The following USP54 variants were observed in gnomAD, a reference collection of about 807,000 sequenced individuals.
USP54 encodes ubiquitin carboxyl-terminal hydrolase 54.
In USP54, 87 loss-of-function variants were observed where a neutral mutation model predicts 170.5. The observed-to-expected ratio is 0.51, with a 90% CI of 0.43 to 0.61. The LOEUF (loss-of-function observed/expected upper bound fraction) is 0.61, where lower values mean the gene tolerates loss of function less well. Ranked by LOEUF, USP54 falls within the 20% of genes least tolerant of loss-of-function variation. The probability of loss-of-function intolerance (pLI) is 0.00; values close to 1 mark genes in which losing one functional copy is unlikely to be tolerated. For missense variants in USP54, 1,786 were observed against 2,047.8 expected (o/e 0.87, Z 2.47); for synonymous variants, 655 against 742.8 (o/e 0.88, Z 1.92).
chr10:73,519,627 C>A (rs2061600062), intron 19 of USP54, 170 bp downstream of exon 19: 1 of 987,972 alleles, frequency 1.0e-6, no homozygotes. Flanking sequence ...AGATAAGGAC[C>A]AGCAGTACAA....
At chr10:73,528,499 A>G (rs1044640583) in intron 15 of USP54, among the ~76,000 whole-genome samples, 1 of 150,278 alleles carries the variant, frequency 6.7e-6, no homozygotes, top group South Asian at 2.1e-4. Context: ...GTCGTGATCC[A>G]CCCGCCTCGG....
In USP54 at chr10:73,624,177, TATATATATATATA is replaced by T. The variant is rs2081305574; in HGVS notation, c.-18+1377_-18+1389del. 1.5e-4 allele frequency among the ~76,000 whole-genome samples: 17 copies of T among 111,116 alleles called. No individual in the cohort carries two copies. In the South Asian group the frequency reaches 5.9e-3, roughly 38 times the overall value. 72.9% of individuals were successfully genotyped at this position (111,116 alleles called of 152,430 possible). ...TAAAAGCCATATATATATATATATA[TATATATATATATA>T]TATATGTATTTTTTTTTTTTTTTTT... On this transcript the variant is annotated intron_variant, in intron 1 of 22. Coordinates refer to the USP54 transcript ENST00000339859.
chr10:73,539,755 TTCA>T (rs2066166759), intron 9 of USP54, among the ~76,000 whole-genome samples, 162 bp from the exon 10 acceptor site: 1 of 152,204 alleles, frequency 6.6e-6, no homozygotes, highest in African/African-American at 2.4e-5. Flanking sequence ...AGAATTTAAC[TTCA>T]GCACTTTGTG....
At chr10:73,522,223 G>A (rs182886170) in intron 17 of USP54, among the ~76,000 whole-genome samples, 1 of 152,280 alleles carries the variant, frequency 6.6e-6, no homozygotes, top group African/African-American at 2.4e-5. Flanking sequence ...CTAGAGGTGT[G>A]GTTTCCCTTA....
intron 4 of USP54, among the ~76,000 whole-genome samples, chr10:73,564,634 G>A (rs142451100): frequency 6.6e-6 from 1 of 152,288 alleles, no homozygotes; most frequent in East Asian, 1.9e-4. Flanking sequence ...TAGGACTACA[G>A]TTCCAGGTTC....
In USP54 at chr10:73,539,519, G is replaced by T; in HGVS notation, c.900C>A (p.Gly300=). Reference sequence around the variant, plus strand: ...GAAAAAAGAATGTAGAATAATGTTTGCCATAGTAACAGATCATTCCAACTA... The same window carrying T: ...GAAAAAAGAATGTAGAATAATGTTTTCCATAGTAACAGATCATTCCAACTA... The part of the protein sequence containing the change: ...LYLVGMICYY[G]KHYSTFFFQT... The change falls in exon 10 of 24, where the codon GGC becomes GGA. Residue 300 remains glycine (G), a synonymous_variant. Transcript: ENST00000687698. The T allele has an allele frequency of 1.2e-6, 2 of 1,612,014 alleles. No individual in the cohort carries two copies. Among genetic ancestry groups the T allele is most frequent in the Non-Finnish European group, 1.7e-6 (2 of 1,178,692 alleles).
intron 1 of USP54, among the ~76,000 whole-genome samples, chr10:73,603,845 CA>C (rs2079400873): frequency 6.6e-6 from 1 of 151,676 alleles, no homozygotes; most frequent in South Asian, 2.1e-4. Flanking sequence ...AAAGAAGATA[CA>C]CCAATGGCCA....
At chr10:73,598,561 A>C (rs1006931824) in intron 1 of USP54, among the ~76,000 whole-genome samples, 3 of 152,038 alleles carry the variant, frequency 2.0e-5, no homozygotes, top group African/African-American at 7.2e-5. Flanking sequence ...CGATCACAAC[A>C]AGGTCAGGAG....
chr10:73,614,561 C>CAAAA (rs60519884), intron 1 of USP54, among the ~76,000 whole-genome samples: 1 of 50,228 alleles, frequency 2.0e-5, no homozygotes, highest in Non-Finnish European at 4.1e-5. Context: ...ACTCCGTCTC[C>CAAAA]AAAAAAAAAA....
chr10:73,586,811 C>T (rs1335281311), intron 1 of USP54, among the ~76,000 whole-genome samples: 2 of 152,192 alleles, frequency 1.3e-5, no homozygotes, highest in African/African-American at 4.8e-5. Context: ...AGCTGGTTAT[C>T]TTAAACTCTC....
intron 4 of USP54, among the ~76,000 whole-genome samples, chr10:73,547,790 C>CT (rs1404679593): frequency 1.6e-4 from 25 of 152,098 alleles, no homozygotes; most frequent in Admixed American, 1.6e-3. Flanking sequence ...AGAAGAAAAC[C>CT]TAGGCAATAC....
rs780836019 is a variant in USP54, at chr10:73,541,651, C to T, written c.660G>A (p.Gly220=). The part of the protein sequence containing the change: ...GELLQNASTM[G]DLRNCPSNCG... ...AACTCACTGGACAGTTCCGCAGATCCCCCATGGTGCTGGCATTCTGCAGCA... is the reference window on the plus strand; with the variant it reads ...AACTCACTGGACAGTTCCGCAGATCTCCCATGGTGCTGGCATTCTGCAGCA... Residue 220 remains glycine, a synonymous_variant, in exon 8 of 24, where the codon GGG becomes GGA. Transcript: ENST00000687698. 6.2e-7 allele frequency: 1 copy of T among 1,614,020 alleles called. No homozygotes were observed. Among genetic ancestry groups the T allele is most frequent in the African/African-American group, 1.3e-5 (1 of 74,912 alleles).
chr10:73,585,015 T>A (rs1564922450), intron 1 of USP54, among the ~76,000 whole-genome samples: 3 of 152,216 alleles, frequency 2.0e-5, no homozygotes, highest in Admixed American at 2.0e-4. Context: ...CCACACCATG[T>A]CACTCCTTTT....
At chr10:73,526,857 T>TA in intron 15 of USP54, 77 bp from the exon 16 acceptor site, 1 of 1,440,546 alleles carries the variant, frequency 6.9e-7, no homozygotes, top group Non-Finnish European at 9.3e-7. Flanking sequence ...AATCTCTCTC[T>TA]CAAAAAAAAA....
chr10:73,566,145 A>G (rs1380125608), intron 4 of USP54, among the ~76,000 whole-genome samples: 1 of 152,098 alleles, frequency 6.6e-6, no homozygotes, highest in Non-Finnish European at 1.5e-5. Context: ...CAGAAGAATC[A>G]CTTGAACCCG....
Position 73,516,747 on chromosome 10 carries a change from A to G in USP54, c.3679T>C (p.Leu1227=). 1 of 1,614,162 alleles carries G rather than the reference A, an allele frequency of 6.2e-7. No individual in the cohort carries two copies. The highest frequency in any genetic ancestry group is 1.3e-5 in the African/African-American group (1 of 75,048). The change falls in exon 20 of 24, where the codon TTG becomes CTG. Residue 1227 remains leucine, a synonymous_variant. Transcript: ENST00000687698. ...GETSSGGQPR[L]AEPDIYQEKL... ...TCTTGGTATATGTCTGGCTCTGCCA[A>G]CCTGGGCTGTCCTCCGCTAGAAGTT...
chr10:73,517,844 C>T, intron 19 of USP54, 97 bp from the exon 20 acceptor site: 1 of 1,405,660 alleles, frequency 7.1e-7, no homozygotes, highest in Non-Finnish European at 9.7e-7. Context: ...TAGCTATTCA[C>T]ACAGGGAATG....
At chr10:73,605,475 C>T (rs957640187) in intron 1 of USP54, among the ~76,000 whole-genome samples, 31 of 152,014 alleles carry the variant, frequency 2.0e-4, no homozygotes, top group African/African-American at 7.2e-4. Context: ...TGCAGTGAGC[C>T]ATGATTGTGC....
At position 73,499,145 on chromosome 10, in the gene USP54, CCT is replaced by C. The variant is rs2057514721; in HGVS notation, c.4537_4538del (p.Arg1513GlyfsTer2). The C allele has an allele frequency of 1.2e-6, 2 of 1,613,478 alleles. No individual in the cohort carries two copies. The highest frequency in any genetic ancestry group is 1.1e-5 in the South Asian group (1 of 91,032). On this transcript the variant is annotated frameshift_variant, in exon 24 of 24. Coordinates refer to ENST00000687698, the MANE Select transcript of USP54 (RefSeq NM_001391956.1). LOFTEE classifies it high-confidence loss of function. ...ACTTGGCCCCTTGGGAAGTTTCACC[CCT>C]GTCACACATAGCCAGAAACTGCTGG... Reference protein sequence around the residue: ...SVQQFLAMCDRGETSQGAKYT... With the variant: ...SVQQFLAMCDXGETSQGAKYT...
Sources: gnomAD v4.1 joint callset for allele counts (sites outside exome capture counted in the v4.1 genomes callset) on GRCh38, gnomAD v4.1.1 for gene constraint, MANE v1.5 for transcripts, NCBI Gene and HGNC (gene_info 2026-07-23, HGNC 2026-07-21) for gene names.